The following TNFAIP8 variants were observed in gnomAD, a reference collection of about 807,000 sequenced individuals.
TNFAIP8 encodes TNF alpha induced protein 8.
In TNFAIP8, 7 loss-of-function variants were observed where a neutral mutation model predicts 13.3. That is an observed-to-expected ratio of 0.52 (90% CI 0.30 to 0.99). The LOEUF is 0.99. Among genes scored for constraint, TNFAIP8 ranks in the 50% least tolerant of loss-of-function variants. TNFAIP8 has a pLI of 0.07. For synonymous variants in TNFAIP8, 94 were observed against 87.6 expected (o/e 1.07, Z -0.41); for missense variants, 258 against 236.9 (o/e 1.09, Z -0.58).
intron 1 of TNFAIP8, among the ~76,000 whole-genome samples, chr5:119,334,456 G>T (rs1254334769): frequency 1.3e-5 from 2 of 151,728 alleles, no homozygotes. Context: ...GACATAGGTG[G>T]GTGTTGGTAT....
intron 1 of TNFAIP8, among the ~76,000 whole-genome samples, chr5:119,336,685 C>A (rs1188015103): frequency 6.6e-6 from 1 of 152,184 alleles, no homozygotes; most frequent in Non-Finnish European, 1.5e-5. Context: ...TATTTGCATT[C>A]ATTTTTAAGC....
chr5:119,390,443 CTT>C (rs1752848320), intron 1 of TNFAIP8, among the ~76,000 whole-genome samples: 1 of 152,110 alleles, frequency 6.6e-6, no homozygotes, highest in Admixed American at 6.6e-5. Flanking sequence ...TCTTTATACT[CTT>C]TTGCAAATCA....
Position 119,395,439 on chromosome 5 carries a change from T to C in TNFAIP8, c.*2058T>C, listed in dbSNP as rs1753050312. On this transcript the variant is annotated 3_prime_UTR_variant, in exon 2 of 2. Transcript: ENST00000504771. ...GATGCTTCTTGCTCATCTGTAGCTA[T>C]AGACAGGACCAACCAGAGAGAGAAA... 1 of 152,234 alleles carries C rather than the reference T, an allele frequency of 6.6e-6. No homozygotes were observed. The highest frequency in any genetic ancestry group is 1.5e-5 in the Non-Finnish European group (1 of 68,116). 9.4% of individuals were successfully genotyped at this position (152,234 alleles called of 1,614,324 possible).
intron 1 of TNFAIP8, among the ~76,000 whole-genome samples, chr5:119,293,775 C>T (rs1215063462): frequency 6.6e-6 from 1 of 152,154 alleles, no homozygotes; most frequent in African/African-American, 2.4e-5. Flanking sequence ...TGGCAAAATA[C>T]TGGTTATTGT....
chr5:119,324,804 C>T (rs74765748), intron 1 of TNFAIP8, among the ~76,000 whole-genome samples: 2,943 of 151,788 alleles, frequency 0.019, 55 homozygotes, highest in Middle Eastern at 0.072. Context: ...TCATTCCAGG[C>T]GCTTTTCTGT....
rs373633218 is a variant in TNFAIP8, at chr5:119,330,158, A to G, written c.1+61251A>G. On this transcript the variant is annotated intron_variant, in intron 1 of 1. Coordinates refer to the TNFAIP8 transcript ENST00000274456. ...GATTCAGCATACGAGGAGGGTACAG[A>G]GAGGACTGATGGGAAGAGAGGAAGG... Among the ~76,000 whole-genome samples, 4 of 152,268 alleles carry G rather than the reference A, an allele frequency of 2.6e-5. No homozygotes were observed. The South Asian group carries it at 8.3e-4, about 32-fold the overall frequency.
chr5:119,348,167 A>G (rs1250155014), intron 1 of TNFAIP8, among the ~76,000 whole-genome samples: 1 of 152,196 alleles, frequency 6.6e-6, no homozygotes, highest in Non-Finnish European at 1.5e-5. Context: ...GGGTGTCTTG[A>G]GCAGAGCTGC....
chr5:119,333,389 C>G lies in TNFAIP8; in HGVS notation c.2-59427C>G, dbSNP rs1750447597. ...ACAAGCAAGACAACTTTCAAAGTGACTGTAGTTGACCAGTGCCTTCTGTGC... is the reference window on the plus strand; with the variant it reads ...ACAAGCAAGACAACTTTCAAAGTGAGTGTAGTTGACCAGTGCCTTCTGTGC... On this transcript the variant is annotated intron_variant, in intron 1 of 1. Transcript: ENST00000274456. The G allele has an allele frequency of 3.8e-6, 5 of 1,331,096 alleles. No individual in the cohort carries two copies. The South Asian group carries it at 1.1e-4, about 28-fold the overall frequency. The allele number at this position is 1,331,096 out of a possible 1,614,324, so 82.5% of individuals were successfully genotyped here.
Position 119,338,953 on chromosome 5 carries a change from G to A in TNFAIP8, c.2-53863G>A, listed in dbSNP as rs1197408026. Among the ~76,000 whole-genome samples the A allele has an allele frequency of 3.3e-5, 5 of 152,170 alleles. No homozygotes were observed. The East Asian group carries it at 7.7e-4, about 24-fold the overall frequency. On this transcript the variant is annotated intron_variant, in intron 1 of 1. Transcript: ENST00000274456. ...TCCCAGCTACTCAGGAGGCTTAGGCGGGAGGATGTCTTGAGCCCAGGAATT... is the reference window on the plus strand; with the variant it reads ...TCCCAGCTACTCAGGAGGCTTAGGCAGGAGGATGTCTTGAGCCCAGGAATT...
At chr5:119,353,660 C>T (rs1168072152), upstream of TNFAIP8, among the ~76,000 whole-genome samples, 2 of 152,158 alleles carry the variant, frequency 1.3e-5, no homozygotes, top group African/African-American at 2.4e-5. Context: ...ATAAGGCTGA[C>T]GGAGCGCTTG....
chr5:119,321,159 G>A (rs962585595), intron 1 of TNFAIP8, among the ~76,000 whole-genome samples: 35 of 152,140 alleles, frequency 2.3e-4, no homozygotes, highest in Non-Finnish European at 2.1e-4. Context: ...GGAGCTTGCA[G>A]TGAGCCGAGA....
At chr5:119,382,413 A>T (rs900925117) in intron 1 of TNFAIP8, among the ~76,000 whole-genome samples, 1 of 152,172 alleles carries the variant, frequency 6.6e-6, no homozygotes, top group Non-Finnish European at 1.5e-5. Flanking sequence ...CTTATACATT[A>T]TACACACTCA....
chr5:119,274,830 G>A (rs1036550575), intron 1 of TNFAIP8, among the ~76,000 whole-genome samples: 3 of 152,128 alleles, frequency 2.0e-5, no homozygotes, highest in African/African-American at 7.2e-5. Context: ...CTTATCCAAT[G>A]TGCTGTATTT....
In TNFAIP8 at chr5:119,397,199, T is replaced by TACCGG. The variant is rs939233891; in HGVS notation, c.*3819_*3823dup. 1 of 152,058 alleles carries TACCGG rather than the reference T, an allele frequency of 6.6e-6. No homozygotes were observed. The highest frequency in any genetic ancestry group is 2.4e-5 in the African/African-American group (1 of 41,404). The allele number at this position is 152,058 out of a possible 1,614,324, so 9.4% of individuals were successfully genotyped here. On this transcript the variant is annotated 3_prime_UTR_variant, in exon 2 of 2. Transcript: ENST00000504771. ...TTAAAATAGTACTTTTTGTGGTCTGTACCGGTCAGTTGGATTTTTACTAAG... is the reference window on the plus strand; with the variant it reads ...TTAAAATAGTACTTTTTGTGGTCTGTACCGGACCGGTCAGTTGGATTTTTACTAAG...
At chr5:119,286,172 G>T (rs1748770859) in intron 1 of TNFAIP8, among the ~76,000 whole-genome samples, 1 of 152,172 alleles carries the variant, frequency 6.6e-6, no homozygotes, top group Non-Finnish European at 1.5e-5. Flanking sequence ...TGCATGCTGA[G>T]AAAAGGTGGG....
chr5:119,361,862 G>A (rs1469246921), intron 1 of TNFAIP8, among the ~76,000 whole-genome samples: 1 of 152,216 alleles, frequency 6.6e-6, no homozygotes, highest in African/African-American at 2.4e-5. Context: ...CCTGCTTCCA[G>A]GGTGCAGCCC....
intron 1 of TNFAIP8, among the ~76,000 whole-genome samples, chr5:119,385,241 A>G (rs2112849403): frequency 6.6e-6 from 1 of 152,212 alleles, no homozygotes; most frequent in Middle Eastern, 3.4e-3. Context: ...ACAACCTGGG[A>G]CTCTTGACTT....
At chr5:119,343,740 T>G (rs1174199329) in intron 1 of TNFAIP8, among the ~76,000 whole-genome samples, 1 of 152,208 alleles carries the variant, frequency 6.6e-6, no homozygotes, top group Non-Finnish European at 1.5e-5. Flanking sequence ...TGTAGAAGTA[T>G]AGGTCCACTG....
At position 119,394,962 on chromosome 5, in the gene TNFAIP8, A is replaced by G. The variant is rs1753039652; in HGVS notation, c.*1581A>G. 1 of 152,182 alleles carries G rather than the reference A, an allele frequency of 6.6e-6. No homozygotes were observed. The highest frequency in any genetic ancestry group is 2.4e-5 in the African/African-American group (1 of 41,418). 9.4% of individuals were successfully genotyped at this position (152,182 alleles called of 1,614,324 possible). On this transcript the variant is annotated 3_prime_UTR_variant, in exon 2 of 2. Transcript: ENST00000504771. ...TGCCTCCCAGAATATTGACATTAAA[A>G]TAATAGTTTACCAGGAAAGGTTCCA...
Sources: gnomAD v4.1 joint callset for allele counts (sites outside exome capture counted in the v4.1 genomes callset) on GRCh38, gnomAD v4.1.1 for gene constraint, MANE v1.5 for transcripts, NCBI Gene and HGNC (gene_info 2026-07-23, HGNC 2026-07-21) for gene names.